Variants in ITGA1 observed in about 807,000 individuals in gnomAD.
ITGA1 encodes integrin subunit alpha 1.
ITGA1 carries 85 observed loss-of-function variants against 145.9 expected under a neutral mutation model. That is an observed-to-expected ratio of 0.58 (90% CI 0.49 to 0.70). The LOEUF is 0.70. Among genes scored for constraint, ITGA1 ranks in the 30% least tolerant of loss-of-function variants. ITGA1 has a pLI of 0.00. For synonymous variants in ITGA1, 520 were observed against 495.3 expected, an observed-to-expected ratio of 1.05 and a Z score of -0.66; for missense variants, 1,351 against 1,418.7, an observed-to-expected ratio of 0.95 and a Z score of 0.77.
intron 1 of ITGA1, among the ~76,000 whole-genome samples, chr5:52,837,647 C>T (rs114596529): frequency 2.2e-4 from 34 of 151,884 alleles, no homozygotes; most frequent in African/African-American, 8.2e-4. Context: ...TATTGGCTGC[C>T]GGTTCTTGGG....
intron 6 of ITGA1, among the ~76,000 whole-genome samples, chr5:52,871,252 A>C (rs1561232796): frequency 6.6e-6 from 1 of 152,200 alleles, no homozygotes; most frequent in Non-Finnish European, 1.5e-5. Context: ...AAATACAGCA[A>C]TTTCATTTGG....
At position 52,927,641 on chromosome 5, in the gene ITGA1, C is replaced by T; in HGVS notation, c.2671C>T (p.Pro891Ser). The T allele has an allele frequency of 6.2e-7, 1 of 1,608,916 alleles. No homozygotes were observed. Among genetic ancestry groups the T allele is most frequent in the Non-Finnish European group, 8.5e-7 (1 of 1,175,856 alleles). ...TAATATCACATGTAAAGTTGGATAT[C>T]CCTTCCTGAGAAGAGGAGAGATGGT... ...NHNITCKVGY[P>S]FLRRGEMVTF... is the part of the protein sequence containing the mutation. Residue 891 changes from proline to serine, a missense_variant, in exon 20 of 29, where the codon CCC (proline) becomes TCC (serine). By Grantham distance (74) the Pro-to-Ser change is moderately conservative (BLOSUM62 -1). Coordinates refer to ENST00000282588, the MANE Select transcript of ITGA1 (RefSeq NM_181501.2).
At chr5:52,923,009 G>GA (rs989816740) in intron 18 of ITGA1, 122 bp downstream of exon 18, 44 of 602,272 alleles carry the variant, frequency 7.3e-5, no homozygotes, top group Admixed American at 3.1e-4. Context: ...CTGGAAGAAA[G>GA]AAAAAAAAGG....
At chr5:52,808,596 A>G (rs775060162) in intron 1 of ITGA1, among the ~76,000 whole-genome samples, 2 of 150,766 alleles carry the variant, frequency 1.3e-5, no homozygotes, top group African/African-American at 2.4e-5. Context: ...TCTGATGACC[A>G]TAATTTATAG....
At chr5:52,873,431 A>G (rs1749816080) in intron 6 of ITGA1, among the ~76,000 whole-genome samples, 1 of 152,220 alleles carries the variant, frequency 6.6e-6, no homozygotes, top group South Asian at 2.1e-4. Context: ...CCAGATAAAG[A>G]TACCCTTTTT....
At chr5:52,839,629 A>G (rs990898755) in intron 1 of ITGA1, among the ~76,000 whole-genome samples, 2 of 152,186 alleles carry the variant, frequency 1.3e-5, no homozygotes, top group African/African-American at 2.4e-5. Context: ...GAATTTTATT[A>G]ATTAACATAT....
intron 2 of ITGA1, among the ~76,000 whole-genome samples, chr5:52,854,109 A>T (rs757038735): frequency 1.2e-4 from 19 of 152,070 alleles, no homozygotes; most frequent in African/African-American, 4.3e-4. Context: ...CTCAAAGTAG[A>T]TTTTCAGGAT....
At chr5:52,880,945 G>A (rs769519364) in intron 6 of ITGA1, among the ~76,000 whole-genome samples, 5 of 152,216 alleles carry the variant, frequency 3.3e-5, no homozygotes, top group Non-Finnish European at 5.9e-5. Context: ...GGGCCAGGAG[G>A]CAGGTGGGAA....
chr5:52,798,680 C>T (rs145468098), intron 1 of ITGA1, among the ~76,000 whole-genome samples: 1 of 152,110 alleles, frequency 6.6e-6, no homozygotes, highest in African/African-American at 2.4e-5. Flanking sequence ...TGCATTTTTA[C>T]GTAAGATAAC....
chr5:52,830,472 C>T (rs1749041661), intron 1 of ITGA1, among the ~76,000 whole-genome samples: 1 of 151,836 alleles, frequency 6.6e-6, no homozygotes, highest in African/African-American at 2.4e-5. Context: ...ATTTTTCTGG[C>T]TTTATTTGAC....
In ITGA1 at chr5:52,865,754, C is replaced by G. The variant is rs746012849; in HGVS notation, c.561C>G (p.Asp187Glu). ...GTTCCAACAGTATTTACCCATGGGA[C>G]AGTGTTACAGCTTTTTTAAATGACC... ...LDGSNSIYPW[D>E]SVTAFLNDLL... is the part of the protein sequence containing the mutation. Residue 187 changes from aspartate to glutamate, a missense_variant, in exon 6 of 29, where the codon GAC becomes GAG. Asp to Glu is a conservative substitution (Grantham distance 45). Transcript: ENST00000282588. 5.0e-6 allele frequency: 8 copies of G among 1,604,652 alleles called. No individual in the cohort carries two copies. Among genetic ancestry groups the G allele is most frequent in the Non-Finnish European group, 6.8e-6 (8 of 1,175,910 alleles).
At position 52,801,939 on chromosome 5, in the gene ITGA1, T is replaced by G. The variant is rs180858769; in HGVS notation, c.61+13525T>G. ...CAGAAAGCTGCAAGAATGGCACTTT[T>G]TGATTCATACAGGGATTTCTTATGT... On this transcript the variant is annotated intron_variant, in intron 1 of 28. Coordinates refer to ENST00000282588, the MANE Select transcript of ITGA1 (RefSeq NM_181501.2). 334 of 835,018 alleles carry G rather than the reference T, an allele frequency of 4.0e-4. 2 individuals carry two copies. In the East Asian group the frequency reaches 8.3e-3, roughly 21 times the overall value. 51.7% of individuals were successfully genotyped at this position (835,018 alleles called of 1,614,324 possible).
At chr5:52,921,120 T>A (rs1750724707) in intron 17 of ITGA1, among the ~76,000 whole-genome samples, 1 of 152,088 alleles carries the variant, frequency 6.6e-6, no homozygotes, top group Non-Finnish European at 1.5e-5. Flanking sequence ...TGGGGAATGT[T>A]CCCAACAGAG....
At chr5:52,905,179 T>C (rs1453517979) in intron 11 of ITGA1, 1 of 152,190 alleles carries the variant, frequency 6.6e-6, no homozygotes, top group African/African-American at 2.4e-5. Context: ...GAGGGACAAA[T>C]TTAAATGCTC....
intron 12 of ITGA1, among the ~76,000 whole-genome samples, chr5:52,908,402 T>C (rs1440723610): frequency 6.6e-6 from 1 of 152,156 alleles, no homozygotes; most frequent in Non-Finnish European, 1.5e-5. Flanking sequence ...CTATGTCCCA[T>C]AGCTGCTGGG....
At chr5:52,909,157 G>A in intron 13 of ITGA1, 116 bp downstream of exon 13, 5 of 1,073,344 alleles carry the variant, frequency 4.7e-6, no homozygotes, top group African/African-American at 1.6e-5. Context: ...GAAGCTATCA[G>A]GATTCATTCA....
chr5:52,912,369 A>G, intron 14 of ITGA1, among the ~76,000 whole-genome samples: 1 of 145,674 alleles, frequency 6.9e-6, no homozygotes, highest in African/African-American at 2.5e-5. Flanking sequence ...TAGTGTATCC[A>G]GTATATGTAT....
At chr5:52,862,210 C>T (rs1238457571) in intron 3 of ITGA1, among the ~76,000 whole-genome samples, 1 of 107,322 alleles carries the variant, frequency 9.3e-6, no homozygotes, top group Non-Finnish European at 1.9e-5. Context: ...AAGAGCAAAA[C>T]TCCATCTCAA....
intron 1 of ITGA1, chr5:52,801,263 AATGTTAAATGTCTAGCAAATTT>A: frequency 8.9e-7 from 1 of 1,125,948 alleles, no homozygotes; most frequent in Non-Finnish European, 1.3e-6. Context: ...ATAAAAAGAG[AATGTTAAATGTCTAGCAAATTT>A]ATGGAGTAAA....
Sources: allele counts gnomAD v4.1 joint callset (sites outside exome capture counted in the v4.1 genomes callset), GRCh38; gene constraint gnomAD v4.1.1; transcripts MANE v1.5; gene names NCBI Gene and HGNC (gene_info 2026-07-23, HGNC 2026-07-21).